Variants in SMIM13 observed in about 807,000 individuals in gnomAD.
SMIM13 encodes the protein small integral membrane protein 13, also known as UPF0766 protein C6orf228.
SMIM13 carries 3 observed loss-of-function variants against 5.9 expected under a neutral mutation model. The observed-to-expected ratio is 0.51, with a 90% confidence interval of 0.23 to 1.31. The LOEUF (loss-of-function observed/expected upper bound fraction) is 1.31. Ranked by LOEUF, SMIM13 falls within the 40% of genes most tolerant of loss-of-function variation. The pLI, the probability that SMIM13 is intolerant of heterozygous loss-of-function variation, is 0.18. For missense variants in SMIM13, 85 were observed against 109.9 expected (o/e 0.77, Z 1.01); for synonymous variants, 55 against 46.0 (o/e 1.19, Z -0.79).
At chr6:11,116,912 G>A (rs1469366613) in intron 1 of SMIM13, among the ~76,000 whole-genome samples, 2 of 150,850 alleles carry the variant, frequency 1.3e-5, no homozygotes, top group African/African-American at 4.9e-5. Context: ...TTTCTTATGG[G>A]GAAATCTTGG....
Position 11,134,609 on chromosome 6 carries a change from A to C in SMIM13, c.*7A>C. On this transcript the variant is annotated 3_prime_UTR_variant, in exon 2 of 2. Transcript: ENST00000416247. The stretch of plus-strand genomic sequence containing the variant: ...CCACAGACCCCTGACATAGTCCTGT[A>C]CTTGTGAAGGATGAAAAGGCAGTTG... 2.0e-6 allele frequency: 3 copies of C among 1,468,744 alleles called. No homozygotes were observed. Among genetic ancestry groups the C allele is most frequent in the Non-Finnish European group, 2.7e-6 (3 of 1,103,874 alleles). The allele number at this position is 1,468,744 out of a possible 1,614,324, so 91.0% of individuals were successfully genotyped here. A position where few individuals can be genotyped will look rare whatever the true frequency, so the allele number is the denominator to read the frequency against.
At chr6:11,104,828 GTA>G (rs1561752921) in intron 1 of SMIM13, 2 of 1,614,206 alleles carry the variant, frequency 1.2e-6, no homozygotes, top group East Asian at 4.5e-5. Context: ...GGTTGTGGGT[GTA>G]TGTTTGGTAA....
chr6:11,126,177 G>A (rs1232347998), intron 1 of SMIM13, among the ~76,000 whole-genome samples: 4 of 152,140 alleles, frequency 2.6e-5, no homozygotes, highest in Non-Finnish European at 5.9e-5. Flanking sequence ...AGCCTCCCGA[G>A]TATCTGGGAC....
At chr6:11,110,065 A>G (rs1386421334) in intron 1 of SMIM13, among the ~76,000 whole-genome samples, 1 of 152,138 alleles carries the variant, frequency 6.6e-6, no homozygotes, top group Non-Finnish European at 1.5e-5. Flanking sequence ...TTATTGAGGC[A>G]CAATTACCCG....
chr6:11,130,267 A>AAC (rs1554119988), intron 1 of SMIM13, among the ~76,000 whole-genome samples: 15,171 of 145,618 alleles, frequency 0.1, 1,048 homozygotes, highest in Non-Finnish European at 0.15. Flanking sequence ...AAAAAAAAAA[A>AAC]AACAACAACA....
intron 1 of SMIM13, among the ~76,000 whole-genome samples, chr6:11,109,878 C>G (rs1409913586): frequency 6.6e-6 from 1 of 152,094 alleles, no homozygotes; most frequent in African/African-American, 2.4e-5. Context: ...AAAAAGAAGG[C>G]AACCCCTCCA....
chr6:11,130,842 T>C (rs1758443349), intron 1 of SMIM13, among the ~76,000 whole-genome samples: 1 of 152,168 alleles, frequency 6.6e-6, no homozygotes, highest in Admixed American at 6.5e-5. Context: ...TATAGTACTT[T>C]ATGGCAGGAA....
chr6:11,101,296 C>T (rs564121270), intron 1 of SMIM13, among the ~76,000 whole-genome samples: 7 of 152,154 alleles, frequency 4.6e-5, no homozygotes, highest in Non-Finnish European at 5.9e-5. Context: ...ACACAGCTAG[C>T]GTTGCCGCTT....
At chr6:11,104,689 G>A (rs778893236) in intron 1 of SMIM13, 14 of 1,614,114 alleles carry the variant, frequency 8.7e-6, no homozygotes, top group South Asian at 4.4e-5. Flanking sequence ...TCAGCAGGCC[G>A]GAACCAGAAG....
In SMIM13 at chr6:11,134,516, G is replaced by A; in HGVS notation, c.190G>A (p.Glu64Lys). The A allele has an allele frequency of 6.4e-7, 1 of 1,551,184 alleles. No homozygotes were observed. The highest frequency in any genetic ancestry group is 8.7e-7 in the Non-Finnish European group (1 of 1,146,650). Residue 64 changes from glutamate to lysine, a missense_variant, in exon 2 of 2, where the codon GAA becomes AAA. Glu to Lys is a moderately conservative substitution (Grantham distance 56). Transcript: ENST00000416247. ...DHEPSGSETE[E>K]DTSSSPHRIR... Reference sequence around the variant, plus strand: ...TGAGCCTTCAGGGTCTGAAACTGAAGAAGACACTTCCTCCTCTCCACACAG... The same window carrying A: ...TGAGCCTTCAGGGTCTGAAACTGAAAAAGACACTTCCTCCTCTCCACACAG...
intron 1 of SMIM13, among the ~76,000 whole-genome samples, chr6:11,101,264 T>C (rs1757987813): frequency 1.3e-5 from 2 of 152,222 alleles, no homozygotes; most frequent in Non-Finnish European, 2.9e-5. Flanking sequence ...CCTGGGCTGA[T>C]CTGTGACTGT....
intron 1 of SMIM13, among the ~76,000 whole-genome samples, chr6:11,109,078 C>A (rs1417864297): frequency 6.6e-6 from 1 of 152,178 alleles, no homozygotes; most frequent in Non-Finnish European, 1.5e-5. Context: ...ACTATGGTGG[C>A]CCCCACAGGG....
intron 1 of SMIM13, among the ~76,000 whole-genome samples, chr6:11,114,114 G>C (rs1272214227): frequency 6.6e-6 from 1 of 151,412 alleles, no homozygotes; most frequent in African/African-American, 2.4e-5. Context: ...TGAGTAGCTG[G>C]GATTACAGGT....
chr6:11,104,342 G>A (rs1256386165), intron 1 of SMIM13: 42 of 1,551,716 alleles, frequency 2.7e-5, no homozygotes, highest in Middle Eastern at 1.7e-4. Context: ...AGATGTCTGG[G>A]GTTACATAGC....
chr6:11,105,457 T>G, intron 1 of SMIM13: 2 of 627,182 alleles, frequency 3.2e-6, no homozygotes, highest in Non-Finnish European at 5.6e-6. Flanking sequence ...GGTGAAAGGA[T>G]GTTGGTGGGG....
rs913392461 is a variant in SMIM13, at chr6:11,136,785, C to T, written c.*2183C>T. The T allele has an allele frequency of 1.3e-5, 2 of 151,870 alleles. No individual in the cohort carries two copies. Among genetic ancestry groups the T allele is most frequent in the African/African-American group, 2.4e-5 (1 of 41,316 alleles). 9.4% of individuals were successfully genotyped at this position (151,870 alleles called of 1,614,324 possible). On this transcript the variant is annotated 3_prime_UTR_variant, in exon 2 of 2. Transcript: ENST00000416247. Reference sequence around the variant, plus strand: ...GTTTCAAGCGTTAATTTTAATGCTTCCTACTAGCTAAATATCATCTTAAAA... The same window carrying T: ...GTTTCAAGCGTTAATTTTAATGCTTTCTACTAGCTAAATATCATCTTAAAA...
intron 1 of SMIM13, among the ~76,000 whole-genome samples, chr6:11,114,941 T>C (rs1369777705): frequency 6.6e-6 from 1 of 152,184 alleles, no homozygotes. Context: ...GTGGATTTTG[T>C]TGCATTTCGA....
At chr6:11,106,397 T>C (rs1758083880) in intron 1 of SMIM13, among the ~76,000 whole-genome samples, 1 of 152,236 alleles carries the variant, frequency 6.6e-6, no homozygotes, top group Non-Finnish European at 1.5e-5. Flanking sequence ...TGGGGATTAT[T>C]TATAGTGCAC....
In SMIM13 at chr6:11,137,330, ATTTC is replaced by A; in HGVS notation, c.*2731_*2734del. The A allele has an allele frequency of 6.6e-6, 1 of 152,174 alleles. No homozygotes were observed. The highest frequency in any genetic ancestry group is 1.5e-5 in the Non-Finnish European group (1 of 67,984). The allele number at this position is 152,174 out of a possible 1,614,324, so 9.4% of individuals were successfully genotyped here. A position where few individuals can be genotyped will look rare whatever the true frequency, so the allele number is the denominator to read the frequency against. On this transcript the variant is annotated 3_prime_UTR_variant, in exon 2 of 2. Coordinates refer to ENST00000416247, the MANE Select transcript of SMIM13 (RefSeq NM_001135575.2). ...TCACAACACACTTACCATGGTACAT[ATTTC>A]TTAATGCCACTAAGAAAGGCAAGAT... is the stretch of plus-strand genomic sequence containing the variant.
Sources: allele counts gnomAD v4.1 joint callset (sites outside exome capture counted in the v4.1 genomes callset), GRCh38; gene constraint gnomAD v4.1.1; transcripts MANE v1.5; gene names NCBI Gene and HGNC (gene_info 2026-07-23, HGNC 2026-07-21).